The following TRPV5 variants were observed in gnomAD, a reference collection of about 807,000 sequenced individuals.
TRPV5 encodes calcium transport protein 2.
A neutral mutation model predicts 74.1 loss-of-function variants in TRPV5; 66 were observed. The ratio of observed to expected loss-of-function variants is 0.89; its 90% confidence interval spans 0.73 to 1.09. TRPV5 has a LOEUF of 1.09. Among genes scored for constraint, TRPV5 ranks in the 50% least tolerant of loss-of-function variants. The pLI, the probability that TRPV5 is intolerant of heterozygous loss-of-function variation, is 0.00. For missense variants in TRPV5, 936 were observed against 930.4 expected (o/e 1.01, Z -0.08); for synonymous variants, 399 against 360.7 (o/e 1.11, Z -1.20).
intron 4 of TRPV5, 39 bp from the exon 5 acceptor site, chr7:142,929,159 A>G: frequency 6.2e-7 from 1 of 1,604,942 alleles, no homozygotes; most frequent in Non-Finnish European, 8.5e-7. Flanking sequence ...AGAACGCAGG[A>G]TGGCAGGATG....
chr7:142,912,445 C>T (rs764546049), intron 13 of TRPV5, 37 bp downstream of exon 13: 11 of 1,589,272 alleles, frequency 6.9e-6, no homozygotes, highest in Non-Finnish European at 9.4e-6. Context: ...TCTCTCCAAC[C>T]CCTGCTTCTT....
intron 12 of TRPV5, among the ~76,000 whole-genome samples, chr7:142,914,217 G>T (rs1401452664): frequency 6.6e-6 from 1 of 152,146 alleles, no homozygotes; most frequent in East Asian, 1.9e-4. Flanking sequence ...ATATGTTGTT[G>T]AGTGCTTTAG....
chr7:142,922,284 T>A (rs1433050389), intron 8 of TRPV5, among the ~76,000 whole-genome samples: 1 of 152,174 alleles, frequency 6.6e-6, no homozygotes, highest in South Asian at 2.1e-4. Flanking sequence ...AAAATATTTC[T>A]GGGAAAGAGA....
intron 8 of TRPV5, chr7:142,924,838 T>C (rs1254140085): frequency 1.3e-5 from 2 of 152,900 alleles, no homozygotes; most frequent in African/African-American, 4.8e-5. Context: ...CATTAGAGTC[T>C]ACCCTTTCTG....
chr7:142,929,059 A>G lies in TRPV5; in HGVS notation c.549T>C (p.Ile183=). Residue 183 remains isoleucine (I), a synonymous_variant, in exon 5 of 15, where the codon ATT becomes ATC. Coordinates refer to ENST00000265310, the MANE Select transcript of TRPV5 (RefSeq NM_019841.7). ...GGGCCCTGATGTCAGCTCCATGCTC[A>G]ATGAGCAGCCGCACGATCTCCTCGC... is the stretch of plus-strand genomic sequence containing the variant. ...VNSEEIVRLL[I]EHGADIRAQD... 1.2e-6 allele frequency: 2 copies of G among 1,613,980 alleles called. No individual in the cohort carries two copies. The highest frequency in any genetic ancestry group is 8.5e-7 in the Non-Finnish European group (1 of 1,179,982).
chr7:142,924,293 TATATATACATATATATATACAC>T (rs1795938071), intron 8 of TRPV5, among the ~76,000 whole-genome samples: 1 of 75,102 alleles, frequency 1.3e-5, no homozygotes, highest in Non-Finnish European at 2.8e-5. Flanking sequence ...TATACATGTA[TATATATACATATATATATACAC>T]ACATATACAT....
chr7:142,920,067 G>A (rs1795860027), intron 8 of TRPV5, among the ~76,000 whole-genome samples: 1 of 152,178 alleles, frequency 6.6e-6, no homozygotes, highest in African/African-American at 2.4e-5. Flanking sequence ...CAACACACAT[G>A]TCCAGGCCAA....
chr7:142,923,559 C>G (rs767517549), intron 8 of TRPV5, among the ~76,000 whole-genome samples: 1 of 152,132 alleles, frequency 6.6e-6, no homozygotes, highest in Non-Finnish European at 1.5e-5. Flanking sequence ...ACTTCTCCAC[C>G]AAGAAAAGAA....
Position 142,928,133 on chromosome 7 carries a change from C to A in TRPV5, c.864G>T (p.Glu288Asp), listed in dbSNP as rs751072328. The change falls in exon 7 of 15, where the codon GAG becomes GAT. Residue 288 changes from glutamate to aspartate, a missense_variant. By Grantham distance (45) the Glu-to-Asp change is conservative. Transcript: ENST00000265310. The part of the protein sequence containing the change: ...YDLTEIDSWG[E>D]ELSFLELVVS... ...CCACAAGCTCCAGGAAGGACAGCTC[C>A]TCTCCCCAGGAGTCGATCTCCGTGA... 1 of 1,614,184 alleles carries A rather than the reference C, an allele frequency of 6.2e-7. No homozygotes were observed. The highest frequency in any genetic ancestry group is 1.1e-5 in the South Asian group (1 of 91,082).
At chr7:142,918,057 A>G (rs1461521401) in intron 8 of TRPV5, among the ~76,000 whole-genome samples, 1 of 152,248 alleles carries the variant, frequency 6.6e-6, no homozygotes, top group African/African-American at 2.4e-5. Context: ...AAGGTAAGGA[A>G]GATTTCAGTA....
intron 8 of TRPV5, among the ~76,000 whole-genome samples, chr7:142,921,668 A>G (rs531517523): frequency 6.6e-6 from 1 of 152,096 alleles, no homozygotes; most frequent in East Asian, 1.9e-4. Context: ...GTTACTCACC[A>G]TGCAAGCAGA....
chr7:142,912,393 CTT>C, intron 13 of TRPV5, 87 bp downstream of exon 13: 1 of 1,526,852 alleles, frequency 6.5e-7, no homozygotes, highest in Non-Finnish European at 8.8e-7. Context: ...TTCTGTGACT[CTT>C]TTAAGAATGA....
Position 142,908,454 on chromosome 7 carries a change from C to A in TRPV5, c.*60G>T, listed in dbSNP as rs1224484300. 1 of 1,574,612 alleles carries A rather than the reference C, an allele frequency of 6.4e-7. No homozygotes were observed. Among genetic ancestry groups the A allele is most frequent in the African/African-American group, 1.3e-5 (1 of 74,188 alleles). The stretch of plus-strand genomic sequence containing the variant: ...AGACACTTGCATAGGCAGAGGTCTC[C>A]GTCTCTGTCCCCGCCCCCAGGCCAA... On this transcript the variant is annotated 3_prime_UTR_variant, in exon 15 of 15. Transcript: ENST00000265310.
At chr7:142,920,685 C>A (rs1207689188) in intron 8 of TRPV5, among the ~76,000 whole-genome samples, 2 of 152,212 alleles carry the variant, frequency 1.3e-5, no homozygotes, top group African/African-American at 4.8e-5. Context: ...AATTATTCAA[C>A]CTCTCTTGAC....
intron 11 of TRPV5, 30 bp downstream of exon 11, chr7:142,914,851 A>G (rs1795765316): frequency 6.2e-7 from 1 of 1,612,816 alleles, no homozygotes; most frequent in African/African-American, 1.3e-5. Context: ...CTTGTGCCTG[A>G]GGCGGAGGAA....
Position 142,933,339 on chromosome 7 carries a change from G to C in TRPV5, c.121C>G (p.Gln41Glu). Residue 41 changes from glutamine (Q) to glutamate (E), a missense_variant, in exon 1 of 15, where the codon CAG becomes GAG. Transcript: ENST00000265310. Reference protein sequence around the residue: ...QHLDKLHMLQQKRILESPLLR... With the variant: ...QHLDKLHMLQEKRILESPLLR... Reference sequence around the variant, plus strand: ...TCGTTCTAGGAAGCCTACCTCTTCTGCTGCAGCATATGAAGCTTGTCCAGG... The same window carrying C: ...TCGTTCTAGGAAGCCTACCTCTTCTCCTGCAGCATATGAAGCTTGTCCAGG... 1.2e-6 allele frequency: 2 copies of C among 1,613,694 alleles called. No homozygotes were observed. The highest frequency in any genetic ancestry group is 8.5e-7 in the Non-Finnish European group (1 of 1,179,974).
chr7:142,926,160 G>A (rs562744666), intron 7 of TRPV5, among the ~76,000 whole-genome samples: 1 of 152,312 alleles, frequency 6.6e-6, no homozygotes, highest in South Asian at 2.1e-4. Context: ...AACAGGGCCA[G>A]GTCATCATGC....
intron 12 of TRPV5, among the ~76,000 whole-genome samples, chr7:142,914,068 C>T (rs1415464102): frequency 6.6e-6 from 1 of 152,216 alleles, no homozygotes; most frequent in Admixed American, 6.5e-5. Context: ...CCTGTTCTCC[C>T]AGTCTCTCTT....
chr7:142,909,503 G>C lies in TRPV5; in HGVS notation c.1882C>G (p.Arg628Gly). The change falls in exon 14 of 15, where the codon CGC becomes GGC. Residue 628 changes from arginine (R) to glycine (G), a missense_variant. Arg to Gly is a moderately radical substitution (Grantham distance 125). Transcript: ENST00000265310. The stretch of plus-strand genomic sequence containing the variant: ...ACCATCACTCACCGCAGGAACCAGC[G>C]GTCCCCCAGCCCGAATTCGCACCCA... Reference protein sequence around the residue: ...ICGCEFGLGDRWFLRVENHND... With the variant: ...ICGCEFGLGDGWFLRVENHND... 1 of 1,613,846 alleles carries C rather than the reference G, an allele frequency of 6.2e-7. No homozygotes were observed. Among genetic ancestry groups the C allele is most frequent in the East Asian group, 2.2e-5 (1 of 44,874 alleles).
Sources: allele counts gnomAD v4.1 joint callset (sites outside exome capture counted in the v4.1 genomes callset), GRCh38; gene constraint gnomAD v4.1.1; transcripts MANE v1.5; gene names NCBI Gene and HGNC (gene_info 2026-07-23, HGNC 2026-07-21).